TSPAN31: variants seen among roughly 807,000 people sequenced by gnomAD.
TSPAN31 encodes tetraspanin-31.
In TSPAN31, 16 loss-of-function variants were observed where a neutral mutation model predicts 24.8. That is an observed-to-expected ratio of 0.64 (90% confidence interval 0.44 to 0.98). The LOEUF (loss-of-function observed/expected upper bound fraction) is 0.98, where lower values mean the gene tolerates loss of function less well. Ranked by LOEUF, TSPAN31 falls within the 50% of genes least tolerant of loss-of-function variation. TSPAN31 has a pLI of 0.00. For synonymous variants in TSPAN31, 87 were observed against 91.4 expected (o/e 0.95, Z 0.27); for missense variants, 209 against 251.6 (o/e 0.83, Z 1.15).
rs2140384005 is a variant in TSPAN31 at position 57,749,509 on chromosome 12, G to A, written c.*2219G>A. 1 of 1,613,964 alleles carries A rather than the reference G, an allele frequency of 6.2e-7. No individual in the cohort carries two copies. Among genetic ancestry groups the A allele is most frequent in the Non-Finnish European group, 8.5e-7 (1 of 1,179,792 alleles). On this transcript the variant is annotated 3_prime_UTR_variant, in exon 6 of 6. Coordinates refer to ENST00000257910, the MANE Select transcript of TSPAN31 (RefSeq NM_005981.5). The stretch of plus-strand genomic sequence containing the variant: ...GAGTTTCCACAGAAGAGAGGCCTAA[G>A]GTGAGAAGGGATATAAGGTAGCAGT...
rs755091270 is a variant in TSPAN31 at position 57,749,495 on chromosome 12, G to C, written c.*2205G>C. 1 of 1,614,168 alleles carries C rather than the reference G, an allele frequency of 6.2e-7. No individual in the cohort carries two copies. The highest frequency in any genetic ancestry group is 8.5e-7 in the Non-Finnish European group (1 of 1,179,974). ...ACTGGTCGGCTTCAGAGTTTCCACA[G>C]AAGAGAGGCCTAAGGTGAGAAGGGA... On this transcript the variant is annotated 3_prime_UTR_variant, in exon 6 of 6. Transcript: ENST00000257910.
intron 4 of TSPAN31, 114 bp downstream of exon 4, chr12:57,746,834 C>T (rs1955160612): frequency 6.7e-7 from 1 of 1,493,512 alleles, no homozygotes; most frequent in Non-Finnish European, 9.2e-7. Flanking sequence ...TACAAGCCCT[C>T]TTGTATTGGG....
In TSPAN31 at chr12:57,748,004, C is replaced by T. The variant is rs113625101; in HGVS notation, c.*714C>T. 7,891 of 224,196 alleles carry T rather than the reference C, an allele frequency of 0.035. 194 individuals are homozygous for T. The highest frequency in any genetic ancestry group is 0.087 in the Middle Eastern group (58 of 666). The allele number at this position is 224,196 out of a possible 1,614,324, so 13.9% of individuals were successfully genotyped here. On this transcript the variant is annotated 3_prime_UTR_variant, in exon 6 of 6. Coordinates refer to ENST00000257910, the MANE Select transcript of TSPAN31 (RefSeq NM_005981.5). ...TGATCCACCCGCGTTGGCCTCCCAA[C>T]GTGCTGGGATTATAGGCGTGAGCCA... is the stretch of plus-strand genomic sequence containing the variant.
rs3211627 is a variant in TSPAN31, at chr12:57,748,863, C to T, written c.*1573C>T. 7.5e-3 allele frequency: 4,128 copies of T among 549,494 alleles called. 141 individuals are homozygous for T. Among genetic ancestry groups the T allele is most frequent in the South Asian group, 0.061 (3,009 of 48,998 alleles). 34.0% of individuals were successfully genotyped at this position (549,494 alleles called of 1,614,324 possible). The stretch of plus-strand genomic sequence containing the variant: ...TGAGATTACAGGCGTGTGCCACCAC[C>T]CCCGGCTTATTTTTGTACTTTTAGT... On this transcript the variant is annotated 3_prime_UTR_variant, in exon 6 of 6. Transcript: ENST00000257910.
chr12:57,746,128 T>C, intron 2 of TSPAN31, 48 bp from the exon 3 acceptor site: 7 of 1,546,486 alleles, frequency 4.5e-6, no homozygotes, highest in Non-Finnish European at 6.3e-6. Flanking sequence ...TTATTATAGA[T>C]GAAACATAAA....
rs1449170919 is a variant in TSPAN31, at chr12:57,748,050, A to G, written c.*760A>G. On this transcript the variant is annotated 3_prime_UTR_variant, in exon 6 of 6. Transcript: ENST00000257910. ...AGCCACCACGCCCCGCCTAAAATCC[A>G]TATTCAAAGAAGCAATTTCAGTTCC... 1.2e-5 allele frequency: 3 copies of G among 258,236 alleles called. No homozygotes were observed. The highest frequency in any genetic ancestry group is 6.6e-5 in the African/African-American group (3 of 45,264). 16.0% of individuals were successfully genotyped at this position (258,236 alleles called of 1,614,324 possible).
rs772265856 is a variant in TSPAN31, at chr12:57,745,889, C to T, written c.208C>T (p.His70Tyr). The T allele has an allele frequency of 1.2e-6, 2 of 1,609,660 alleles. No homozygotes were observed. The highest frequency in any genetic ancestry group is 1.7e-6 in the Non-Finnish European group (2 of 1,178,168). Reference protein sequence around the residue: ...AVAGLVGAVNHHQVLLFFYMI... With the variant: ...AVAGLVGAVNYHQVLLFFYMI... ...GGCTGGACTGGTGGGTGCTGTCAAC[C>T]ACCACCAAGTCCTGCTGTTCTTTGT... is the stretch of plus-strand genomic sequence containing the variant. Residue 70 changes from histidine (H) to tyrosine (Y), a missense_variant, in exon 2 of 6, where the codon CAC becomes TAC. By Grantham distance (83) the His-to-Tyr change is moderately conservative. Transcript: ENST00000257910.
rs1412656152 is a variant in TSPAN31, at chr12:57,746,618, C to A, written c.342C>A (p.Val114=). ...QTDVINASWW[V]MSNKTRDELE... is the part of the protein sequence containing the mutation. ...ATGTCATCAATGCTTCTTGGTGGGT[C>A]ATGAGCAACAAGACTCGGGATGAAC... Residue 114 remains valine (V), a synonymous_variant, in exon 4 of 6, where the codon GTC becomes GTA. Transcript: ENST00000257910. 1.9e-6 allele frequency: 3 copies of A among 1,613,934 alleles called. No individual in the cohort carries two copies. Among genetic ancestry groups the A allele is most frequent in the Admixed American group, 3.3e-5 (2 of 59,994 alleles).
chr12:57,745,985 G>T (rs552503028), intron 2 of TSPAN31, 73 bp downstream of exon 2: 1 of 1,536,466 alleles, frequency 6.5e-7, no homozygotes, highest in East Asian at 2.3e-5. Context: ...TGTTAGAAGG[G>T]TAGGGGACCT....
At position 57,746,690 on chromosome 12, in the gene TSPAN31, G is replaced by C. The variant is rs1356211027; in HGVS notation, c.414G>C (p.Leu138=). 1.2e-6 allele frequency: 2 copies of C among 1,614,048 alleles called. No individual in the cohort carries two copies. The highest frequency in any genetic ancestry group is 1.3e-5 in the African/African-American group (1 of 74,910). Reference sequence around the variant, plus strand: ...GTGGCTTATTCAACCTCACAACCCTGTATCAACAAGATTATGATTTCTGCA... The same window carrying C: ...GTGGCTTATTCAACCTCACAACCCTCTATCAACAAGATTATGATTTCTGCA... ...DCCGLFNLTT[L]YQQDYDFCTA... The change falls in exon 4 of 6, where the codon CTG becomes CTC. Residue 138 remains leucine (L), a synonymous_variant. Coordinates refer to ENST00000257910, the MANE Select transcript of TSPAN31 (RefSeq NM_005981.5).
chr12:57,746,913 G>A, intron 4 of TSPAN31, 105 bp from the exon 5 acceptor site: 2 of 1,354,874 alleles, frequency 1.5e-6, no homozygotes, highest in Middle Eastern at 1.9e-4. Context: ...TAGTTTGTAG[G>A]ACACTGGTCA....
chr12:57,746,723 G>A lies in TSPAN31; in HGVS notation c.444+3G>A, dbSNP rs1955158542. ...AAGATTATGATTTCTGCACTGCAGT[G>A]AGTGTGTTGGGGGTGGTGCAGCAGC... On this transcript the variant is annotated splice_donor_region_variant and intron_variant, in intron 4 of 5. Transcript: ENST00000257910. 1 of 1,614,104 alleles carries A rather than the reference G, an allele frequency of 6.2e-7. No homozygotes were observed. The highest frequency in any genetic ancestry group is 8.5e-7 in the Non-Finnish European group (1 of 1,179,990).
Position 57,747,477 on chromosome 12 carries a change from G to A in TSPAN31, c.*187G>A, listed in dbSNP as rs1293499122. ...ATTTTAGTGGGAGCCAGACTATAAG[G>A]AATAAAAGGAAAAACTTTCTTCCTC... On this transcript the variant is annotated 3_prime_UTR_variant, in exon 6 of 6. Coordinates refer to ENST00000257910, the MANE Select transcript of TSPAN31 (RefSeq NM_005981.5). 5.2e-6 allele frequency: 3 copies of A among 576,692 alleles called. No individual in the cohort carries two copies. The highest frequency in any genetic ancestry group is 2.2e-5 in the South Asian group (1 of 44,928). The allele number at this position is 576,692 out of a possible 1,614,324, so 35.7% of individuals were successfully genotyped here.
chr12:57,749,344 A>G lies in TSPAN31; in HGVS notation c.*2054A>G. On this transcript the variant is annotated 3_prime_UTR_variant, in exon 6 of 6. Coordinates refer to ENST00000257910, the MANE Select transcript of TSPAN31 (RefSeq NM_005981.5). ...TGTGGGGGACAGGAGAACTCTGGTC[A>G]GGAGGGTCCTCCAGTTCCCATCCCC... 1 of 1,614,176 alleles carries G rather than the reference A, an allele frequency of 6.2e-7. No homozygotes were observed. The highest frequency in any genetic ancestry group is 8.5e-7 in the Non-Finnish European group (1 of 1,179,990).
intron 4 of TSPAN31, 149 bp downstream of exon 4, chr12:57,746,869 G>A: frequency 7.4e-7 from 1 of 1,360,124 alleles, no homozygotes; most frequent in Non-Finnish European, 1.0e-6. Context: ...AGGTGGGGGT[G>A]GATAGAGGCT....
At position 57,747,285 on chromosome 12, in the gene TSPAN31, CTA is replaced by C. The variant is rs761811281; in HGVS notation, c.630_631del (p.Ter211ArgfsTer20). ...KDPRANPSAFL is the reference protein window; with the variant it reads ...KDPRANPSAFX The stretch of plus-strand genomic sequence containing the variant: ...TCCTAGAGCCAACCCCAGTGCCTTT[CTA>C]TGAGACTTTGGATCCTTCTGACTTT... On this transcript the variant is annotated frameshift_variant, in exon 6 of 6. Transcript: ENST00000257910. LOFTEE classifies it high-confidence loss of function. 7 of 1,613,960 alleles carry C rather than the reference CTA, an allele frequency of 4.3e-6. No individual in the cohort carries two copies. The highest frequency in any genetic ancestry group is 2.2e-5 in the East Asian group (1 of 44,894).
At position 57,745,677 on chromosome 12, in the gene TSPAN31, C is replaced by T. The variant is rs551997411; in HGVS notation, c.64-68C>T. On this transcript the variant is annotated intron_variant, in intron 1 of 5. Transcript: ENST00000257910. ...CTTCCCCCTGCCCCGCTCCCAAGTC[C>T]TCTTGTATGGCCTTGGGCTGTGCCG... is the stretch of plus-strand genomic sequence containing the variant. The T allele has an allele frequency of 2.5e-6, 4 of 1,588,262 alleles. No individual in the cohort carries two copies. In the East Asian group the frequency reaches 8.9e-5, roughly 36 times the overall value.
Position 57,745,791 on chromosome 12 carries a change from T to C in TSPAN31, c.110T>C (p.Leu37Pro). The change falls in exon 2 of 6, where the codon CTG (leucine) becomes CCG (proline). Residue 37 changes from leucine (L) to proline (P), a missense_variant. Leu to Pro is a moderately conservative substitution (Grantham distance 98). Coordinates refer to ENST00000257910, the MANE Select transcript of TSPAN31 (RefSeq NM_005981.5). ...GGAGTGGCTGCTTGGGGCAAGGGCC[T>C]GGGTCTGGTGTCCAGCATCCACATC... ...LIGVAAWGKG[L>P]GLVSSIHIIG... The C allele has an allele frequency of 1.2e-6, 2 of 1,613,592 alleles. No individual in the cohort carries two copies. The highest frequency in any genetic ancestry group is 1.7e-4 in the Middle Eastern group (1 of 6,058).
Position 57,749,638 on chromosome 12 carries a change from G to A in TSPAN31, c.*2348G>A. The A allele has an allele frequency of 1.2e-6, 1 of 835,414 alleles. No homozygotes were observed. The highest frequency in any genetic ancestry group is 2.6e-5 in the East Asian group (1 of 37,800). The allele number at this position is 835,414 out of a possible 1,614,324, so 51.8% of individuals were successfully genotyped here. The stretch of plus-strand genomic sequence containing the variant: ...TTCCAGCACTTTGGGATGCTGAGGT[G>A]AGAGGACTGCTTGAGCCCAGGAGTT... On this transcript the variant is annotated 3_prime_UTR_variant, in exon 6 of 6. Coordinates refer to ENST00000257910, the MANE Select transcript of TSPAN31 (RefSeq NM_005981.5).
Sources: allele counts gnomAD v4.1 joint callset, GRCh38; gene constraint gnomAD v4.1.1; transcripts MANE v1.5; gene names NCBI Gene and HGNC (gene_info 2026-07-23, HGNC 2026-07-21).